FRMD4A: variants seen among roughly 807,000 people sequenced by gnomAD.
The protein encoded by FRMD4A is FERM domain-containing protein 4A.
Under a neutral mutation model 129.1 loss-of-function variants are expected in FRMD4A, and 29 were observed. That is an observed-to-expected ratio of 0.22 (90% CI 0.17 to 0.31). The LOEUF (loss-of-function observed/expected upper bound fraction) is 0.31. Ranked by LOEUF, FRMD4A falls within the 10% of genes least tolerant of loss-of-function variation. The pLI is 1.00. For missense variants in FRMD4A, 1,272 were observed against 1,375.8 expected (o/e 0.92, Z 1.19); for synonymous variants, 634 against 571.6 (o/e 1.11, Z -1.56).
chr10:14,097,923 TA>T (rs1409798996), intron 2 of FRMD4A, among the ~76,000 whole-genome samples: 2 of 146,308 alleles, frequency 1.4e-5, no homozygotes, highest in East Asian at 1.9e-4. Context: ...AAATTATATA[TA>T]AAAATTGTAT....
At chr10:14,179,026 C>A (rs1479718063) in intron 2 of FRMD4A, among the ~76,000 whole-genome samples, 1 of 152,110 alleles carries the variant, frequency 6.6e-6, no homozygotes, top group Non-Finnish European at 1.5e-5. Context: ...GAAATAATAA[C>A]TTTATAATAA....
intron 2 of FRMD4A, among the ~76,000 whole-genome samples, chr10:14,113,199 T>C (rs941622997): frequency 1.3e-5 from 2 of 152,210 alleles, no homozygotes; most frequent in African/African-American, 4.8e-5. Flanking sequence ...AGTTATACAG[T>C]TGACTCTTGA....
chr10:14,329,150 C>T (rs150173871), intron 2 of FRMD4A, among the ~76,000 whole-genome samples: 1,857 of 152,298 alleles, frequency 0.012, 13 homozygotes, highest in Non-Finnish European at 0.018. Context: ...CTCCTCATTC[C>T]GAAGACACAA....
chr10:13,782,332 A>G (rs1433925157), intron 6 of FRMD4A, among the ~76,000 whole-genome samples: 1 of 152,170 alleles, frequency 6.6e-6, no homozygotes, highest in Non-Finnish European at 1.5e-5. Context: ...CTCAGTTGAC[A>G]AAGAAATCTT....
At chr10:13,749,231 G>A (rs143467111) in intron 8 of FRMD4A, among the ~76,000 whole-genome samples, 2,111 of 152,294 alleles carry the variant, frequency 0.014, 22 homozygotes, top group Non-Finnish European at 0.022. Context: ...CCTTTGATTC[G>A]CAGTTCTGAC....
At chr10:13,850,095 G>A (rs2094120194) in intron 3 of FRMD4A, among the ~76,000 whole-genome samples, 1 of 152,032 alleles carries the variant, frequency 6.6e-6, no homozygotes, top group South Asian at 2.1e-4. Flanking sequence ...CTTGAACCCA[G>A]GAGGCTGAGG....
At chr10:13,769,595 C>T (rs569882501) in intron 6 of FRMD4A, among the ~76,000 whole-genome samples, 2 of 152,234 alleles carry the variant, frequency 1.3e-5, no homozygotes, top group Admixed American at 1.3e-4. Context: ...CAGGCATGAG[C>T]CACTGTGTCC....
At position 13,660,401 on chromosome 10, in the gene FRMD4A, G is replaced by C; in HGVS notation, c.1813C>G (p.Pro605Ala). Residue 605 changes from proline (P) to alanine (A), a missense_variant, in exon 20 of 25, where the codon CCC becomes GCC. Physicochemically the swap from Pro to Ala is conservative, Grantham distance 27. Around this residue, in one of 2 missense-constraint regions of FRMD4A, gnomAD observed 972 missense variants for 892.3 expected, o/e 1.09. Transcript: ENST00000357447. ...TCACTCCACATTTTGGGCTTGATGGGTGACTTGTCATAGTCGTTGCGGTGA... is the reference window on the plus strand; with the variant it reads ...TCACTCCACATTTTGGGCTTGATGGCTGACTTGTCATAGTCGTTGCGGTGA... ...HYHRNDYDKS[P>A]IKPKMWSESS... 1 of 1,614,134 alleles carries C rather than the reference G, an allele frequency of 6.2e-7. No individual in the cohort carries two copies. The highest frequency in any genetic ancestry group is 8.5e-7 in the Non-Finnish European group (1 of 1,179,960).
intron 21 of FRMD4A, among the ~76,000 whole-genome samples, chr10:13,658,911 G>A (rs1026860862): frequency 8.6e-5 from 13 of 151,624 alleles, no homozygotes; most frequent in African/African-American, 1.2e-4. Context: ...GAAACAGAAG[G>A]TGTGATTCAC....
intron 2 of FRMD4A, among the ~76,000 whole-genome samples, chr10:13,955,265 G>A (rs1481302778): frequency 2.6e-5 from 4 of 151,938 alleles, no homozygotes; most frequent in South Asian, 4.2e-4. Flanking sequence ...TCACCACCAC[G>A]TCCAGCTAAT....
chr10:13,841,119 T>C (rs2093958230), intron 3 of FRMD4A, among the ~76,000 whole-genome samples: 1 of 152,046 alleles, frequency 6.6e-6, no homozygotes, highest in Non-Finnish European at 1.5e-5. Flanking sequence ...AATAAGTAAG[T>C]AGATGAAATT....
At chr10:14,318,920 G>A (rs1334096440) in intron 2 of FRMD4A, among the ~76,000 whole-genome samples, 4 of 152,156 alleles carry the variant, frequency 2.6e-5, no homozygotes, top group African/African-American at 9.7e-5. Flanking sequence ...GACTTCTGAG[G>A]CTAGGTTATG....
intron 2 of FRMD4A, among the ~76,000 whole-genome samples, chr10:14,225,549 T>C (rs1843406728): frequency 6.6e-6 from 1 of 152,210 alleles, no homozygotes; most frequent in Non-Finnish European, 1.5e-5. Context: ...CCATGCACTG[T>C]CCAGGGCAGA....
chr10:13,954,863 T>C (rs1489499888), intron 2 of FRMD4A, among the ~76,000 whole-genome samples: 1 of 152,212 alleles, frequency 6.6e-6, no homozygotes, highest in Non-Finnish European at 1.5e-5. Context: ...CTCTCTCATG[T>C]TACACTTTTA....
intron 12 of FRMD4A, among the ~76,000 whole-genome samples, chr10:13,733,844 G>A (rs143060564): frequency 7.2e-5 from 11 of 152,324 alleles, no homozygotes; most frequent in African/African-American, 2.2e-4. Flanking sequence ...CACCGTGATC[G>A]TCGTGATTGG....
intron 2 of FRMD4A, among the ~76,000 whole-genome samples, chr10:14,054,304 T>C (rs1017249991): frequency 6.6e-6 from 1 of 152,204 alleles, no homozygotes; most frequent in Non-Finnish European, 1.5e-5. Context: ...CTGTGGCTGC[T>C]GACCCTGGAG....
In FRMD4A at chr10:13,884,206, ACT is replaced by A. The variant is rs35380428; in HGVS notation, c.46-25296_46-25295del. On this transcript the variant is annotated intron_variant, in intron 2 of 24. Transcript: ENST00000357447. ...CACACACACACACACTCACACACAC[ACT>A]CACACACACACACACACACACACAC... Among the ~76,000 whole-genome samples the A allele has an allele frequency of 2.9e-3, 240 of 83,368 alleles. 6 individuals carry two copies. The highest frequency in any genetic ancestry group is 9.5e-3 in the African/African-American group (201 of 21,128). The allele number at this position is 83,368 out of a possible 152,430, so 54.7% of individuals were successfully genotyped here.
At chr10:14,151,491 C>CGAAT (rs1840335842) in intron 2 of FRMD4A, among the ~76,000 whole-genome samples, 1 of 152,052 alleles carries the variant, frequency 6.6e-6, no homozygotes, top group Admixed American at 6.5e-5. Flanking sequence ...TCTAGTGATT[C>CGAAT]CTAAGGGACC....
chr10:13,740,481 TC>T (rs1412132733), intron 10 of FRMD4A, 30 bp downstream of exon 10: 20 of 1,313,884 alleles, frequency 1.5e-5, no homozygotes, highest in Non-Finnish European at 2.0e-5. Flanking sequence ...ACAAACACTG[TC>T]CCCATGTGAG....
Sources: gnomAD v4.1 joint callset for allele counts (sites outside exome capture counted in the v4.1 genomes callset) on GRCh38, gnomAD v4.1.1 for gene constraint, gnomAD v4.1.1 regional missense constraint, MANE v1.5 for transcripts, NCBI Gene and HGNC (gene_info 2026-07-23, HGNC 2026-07-21) for gene names.